The following CNST variants were observed in gnomAD, a reference collection of about 807,000 sequenced individuals.
CNST encodes the protein consortin, connexin sorting protein, also known as consortin.
Under a neutral mutation model 72.4 loss-of-function variants are expected in CNST, and 39 were observed. The ratio of observed to expected loss-of-function variants is 0.54; its 90% CI spans 0.42 to 0.70. CNST has a LOEUF of 0.70. Ranked by LOEUF, CNST falls within the 30% of genes least tolerant of loss-of-function variation. The probability of loss-of-function intolerance (pLI) is 0.00; values close to 1 mark genes in which losing one functional copy is unlikely to be tolerated. For missense variants in CNST, 871 were observed against 868.5 expected, an observed-to-expected ratio of 1.00 and a Z score of -0.04; for synonymous variants, 332 against 320.1, an observed-to-expected ratio of 1.04 and a Z score of -0.40.
At chr1:246,586,111 A>ATGTGTGTG (rs113258007) in intron 1 of CNST, among the ~76,000 whole-genome samples, 1,777 of 102,628 alleles carry the variant, frequency 0.017, 59 homozygotes, top group African/African-American at 0.068. Flanking sequence ...ATATATATAT[A>ATGTGTGTG]TGTGTGTGTG....
intron 8 of CNST, among the ~76,000 whole-genome samples, chr1:246,646,400 T>G (rs1190380714): frequency 4.6e-5 from 7 of 152,184 alleles, no homozygotes; most frequent in Non-Finnish European, 1.0e-4. Context: ...AGACCAGTAC[T>G]ACTTTTCTTA....
At chr1:246,660,782 A>T (rs1667058059) in intron 10 of CNST, among the ~76,000 whole-genome samples, 1 of 152,170 alleles carries the variant, frequency 6.6e-6, no homozygotes, top group South Asian at 2.1e-4. Flanking sequence ...TTTATCTTCT[A>T]AGGGAGAAAC....
intron 1 of CNST, among the ~76,000 whole-genome samples, chr1:246,575,926 A>G (rs1440918594): frequency 6.6e-6 from 1 of 152,062 alleles, no homozygotes; most frequent in African/African-American, 2.4e-5. Context: ...CAACATTCTC[A>G]TATAAGATTT....
At chr1:246,594,236 A>G (rs1263312390) in intron 2 of CNST, among the ~76,000 whole-genome samples, 1 of 152,056 alleles carries the variant, frequency 6.6e-6, no homozygotes, top group African/African-American at 2.4e-5. Context: ...GTTAGTTTCA[A>G]ACTCCTGGGT....
At chr1:246,591,395 A>G (rs1265361324) in intron 1 of CNST, 117 bp from the exon 2 acceptor site, 6 of 746,270 alleles carry the variant, frequency 8.0e-6, no homozygotes, top group Admixed American at 5.7e-5. Context: ...AACTTAAGTC[A>G]TTTCCTTCTC....
chr1:246,645,887 G>C (rs1034768113), intron 8 of CNST, among the ~76,000 whole-genome samples: 2 of 152,122 alleles, frequency 1.3e-5, no homozygotes, highest in African/African-American at 4.8e-5. Context: ...AAATAAGTTG[G>C]TTTTACTCAA....
intron 1 of CNST, among the ~76,000 whole-genome samples, chr1:246,579,557 C>A (rs1171805841): frequency 1.3e-5 from 2 of 152,112 alleles, no homozygotes; most frequent in East Asian, 3.8e-4. Context: ...TCACTTGAGC[C>A]CAGGAGTTCA....
At chr1:246,664,457 C>T (rs988007244) in intron 10 of CNST, among the ~76,000 whole-genome samples, 28 of 150,980 alleles carry the variant, frequency 1.9e-4, no homozygotes, top group Non-Finnish European at 2.9e-4. Flanking sequence ...GAAGGAGTCT[C>T]GCCCTGTGGC....
chr1:246,636,413 A>G (rs1665244568), intron 6 of CNST, among the ~76,000 whole-genome samples: 1 of 152,122 alleles, frequency 6.6e-6, no homozygotes, highest in East Asian at 1.9e-4. Context: ...TGCCACGGCC[A>G]CTGTTCACTC....
In CNST at chr1:246,583,880, T is replaced by G. The variant is rs187018325; in HGVS notation, c.-51-7632T>G. ...AACATTATATCATAATTTTTCAAGA[T>G]AAGAAAAAGTAGACAATGAGGATGG... On this transcript the variant is annotated intron_variant, in intron 1 of 10. Coordinates refer to ENST00000366513, the MANE Select transcript of CNST (RefSeq NM_152609.3). Among the ~76,000 whole-genome samples, 637 of 152,314 alleles carry G rather than the reference T, an allele frequency of 4.2e-3. 6 individuals carry two copies. Among genetic ancestry groups the G allele is most frequent in the African/African-American group, 0.014 (599 of 41,560 alleles).
At chr1:246,586,107 A>ATGTGTG (rs1328922749) in intron 1 of CNST, among the ~76,000 whole-genome samples, 460 of 42,206 alleles carry the variant, frequency 0.011, 3 homozygotes, top group African/African-American at 0.034. Flanking sequence ...ATATATATAT[A>ATGTGTG]TATATGTGTG....
chr1:246,606,900 G>A (rs1402589927), intron 2 of CNST: 1 of 151,390 alleles, frequency 6.6e-6, no homozygotes, highest in African/African-American at 2.4e-5. Context: ...GAATCCATCG[G>A]GGCAGTCCGT....
chr1:246,643,637 C>T (rs78136488), intron 8 of CNST, among the ~76,000 whole-genome samples: 2 of 152,132 alleles, frequency 1.3e-5, no homozygotes, highest in East Asian at 3.9e-4. Context: ...TTGAACGCAG[C>T]CTGCTTCTGC....
At chr1:246,635,406 G>A (rs950724103) in intron 6 of CNST, among the ~76,000 whole-genome samples, 3 of 151,802 alleles carry the variant, frequency 2.0e-5, no homozygotes, top group Non-Finnish European at 4.4e-5. Context: ...CCCTACCAGC[G>A]TTTTAAATCC....
Position 246,647,175 on chromosome 1 carries a change from A to T in CNST, c.974A>T (p.Glu325Val), listed in dbSNP as rs1364996118. The T allele has an allele frequency of 1.2e-6, 2 of 1,613,558 alleles. No individual in the cohort carries two copies. The highest frequency in any genetic ancestry group is 2.7e-5 in the African/African-American group (2 of 74,918). ...TGTCTCGGCACAGAGTCAAGTAAAG[A>T]AAGCCAACATACAGTGGAGCCCCTG... ...KTCLGTESSKESQHTVEPLGS... is the reference protein window; with the variant it reads ...KTCLGTESSKVSQHTVEPLGS... Residue 325 changes from glutamate to valine, a missense_variant, in exon 9 of 11, where the codon GAA (glutamate) becomes GTA (valine). By Grantham distance (121) the Glu-to-Val change is moderately radical. Transcript: ENST00000366513.
intron 2 of CNST, among the ~76,000 whole-genome samples, chr1:246,608,416 G>C (rs139067616): frequency 1.3e-5 from 2 of 152,294 alleles, no homozygotes; most frequent in East Asian, 3.9e-4. Context: ...CACAGTTTTA[G>C]TTTTTAATAA....
chr1:246,571,025 A>AT (rs993203272), intron 1 of CNST, among the ~76,000 whole-genome samples: 18 of 152,238 alleles, frequency 1.2e-4, no homozygotes. Flanking sequence ...CATGGGGGAA[A>AT]TTATATATCC....
chr1:246,566,492 C>T lies in CNST; in HGVS notation c.-223C>T. ...CCGCCAGCCTCCAGCCGGCCAGCCG[C>T]GAGGGGTGCGCAGAGGGAGGCGGGG... On this transcript the variant is annotated 5_prime_UTR_variant, in exon 1 of 11. Coordinates refer to ENST00000366513, the MANE Select transcript of CNST (RefSeq NM_152609.3). 2.3e-6 allele frequency: 1 copy of T among 440,822 alleles called. No individual in the cohort carries two copies. Among genetic ancestry groups the T allele is most frequent in the East Asian group, 3.2e-5 (1 of 31,380 alleles). The allele number at this position is 440,822 out of a possible 1,614,324, so 27.3% of individuals were successfully genotyped here.
Position 246,631,883 on chromosome 1 carries a change from GT to G in CNST, c.586-6del. On this transcript the variant is annotated splice_polypyrimidine_tract_variant and intron_variant, in intron 3 of 10. Transcript: ENST00000366513. The stretch of plus-strand genomic sequence containing the variant: ...ATTTAATTTTCTCTGTGTTTTCTTT[GT>G]TTTTAACAGATAGCAGAATCCTATT... 1 of 1,513,996 alleles carries G rather than the reference GT, an allele frequency of 6.6e-7. No homozygotes were observed. The highest frequency in any genetic ancestry group is 9.1e-7 in the Non-Finnish European group (1 of 1,098,478). The allele number at this position is 1,513,996 out of a possible 1,614,324, so 93.8% of individuals were successfully genotyped here.
Sources: gnomAD v4.1 joint callset for allele counts (sites outside exome capture counted in the v4.1 genomes callset) on GRCh38, gnomAD v4.1.1 for gene constraint, MANE v1.5 for transcripts, NCBI Gene and HGNC (gene_info 2026-07-23, HGNC 2026-07-21) for gene names.